Variants in RIMS2 observed in about 807,000 individuals in gnomAD.
RIMS2 encodes the protein regulating synaptic membrane exocytosis protein 2.
A neutral mutation model predicts 174.4 loss-of-function variants in RIMS2; 59 were observed. The ratio of observed to expected loss-of-function variants is 0.34; its 90% CI spans 0.27 to 0.42. The LOEUF is 0.42. Ranked by LOEUF, RIMS2 falls within the 10% of genes least tolerant of loss-of-function variation. The pLI, the probability that RIMS2 is intolerant of heterozygous loss-of-function variation, is 1.00. For synonymous variants in RIMS2, 606 were observed against 572.5 expected (o/e 1.06, Z -0.84); for missense variants, 1,620 against 1,666.3 (o/e 0.97, Z 0.48).
chr8:103,826,301 C>T (rs886905273), intron 3 of RIMS2, among the ~76,000 whole-genome samples: 1 of 151,456 alleles, frequency 6.6e-6, no homozygotes, highest in African/African-American at 2.4e-5. Flanking sequence ...TCCTTGTTAA[C>T]CCCTAAGTCA....
intron 16 of RIMS2, among the ~76,000 whole-genome samples, chr8:103,979,030 T>C (rs2093677943): frequency 6.6e-6 from 1 of 152,208 alleles, no homozygotes; most frequent in African/African-American, 2.4e-5. Flanking sequence ...TGTCTCTGAA[T>C]ATTATTCAAT....
chr8:103,964,703 A>G (rs1022603807), intron 15 of RIMS2, among the ~76,000 whole-genome samples: 2 of 152,070 alleles, frequency 1.3e-5, no homozygotes, highest in African/African-American at 4.8e-5. Flanking sequence ...TCTTTCATCA[A>G]TCATGCCTAT....
At chr8:103,679,301 G>C (rs1249291330) in intron 1 of RIMS2, among the ~76,000 whole-genome samples, 3 of 151,886 alleles carry the variant, frequency 2.0e-5, no homozygotes, top group Non-Finnish European at 2.9e-5. Context: ...AGAACTGCTT[G>C]GAGAGAACAT....
chr8:103,741,218 T>A (rs1185330834), intron 2 of RIMS2, among the ~76,000 whole-genome samples: 1 of 152,070 alleles, frequency 6.6e-6, no homozygotes, highest in Non-Finnish European at 1.5e-5. Context: ...AAATTGTTCA[T>A]AAATCCATGG....
intron 1 of RIMS2, among the ~76,000 whole-genome samples, chr8:103,599,083 G>A (rs1227036506): frequency 6.6e-6 from 1 of 152,014 alleles, no homozygotes; most frequent in Non-Finnish European, 1.5e-5. Flanking sequence ...TTGTCTGAAA[G>A]CCATATTAAA....
intron 19 of RIMS2, among the ~76,000 whole-genome samples, chr8:104,232,308 T>C (rs1294796148): frequency 1.3e-5 from 2 of 152,244 alleles, no homozygotes; most frequent in African/African-American, 4.8e-5. Flanking sequence ...AGTACTTGAA[T>C]GTTATGCATT....
At chr8:103,983,945 G>A (rs1280158548) in intron 16 of RIMS2, among the ~76,000 whole-genome samples, 6 of 152,044 alleles carry the variant, frequency 3.9e-5, no homozygotes, top group African/African-American at 7.2e-5. Context: ...AGGCCAAGGC[G>A]GGCGGATCAC....
chr8:104,224,477 T>C (rs1161488843), intron 19 of RIMS2, among the ~76,000 whole-genome samples: 3 of 152,218 alleles, frequency 2.0e-5, no homozygotes, highest in Admixed American at 2.0e-4. Flanking sequence ...ATTTAACAAC[T>C]AACACTGAAA....
chr8:104,047,348 T>C (rs1259031648), intron 19 of RIMS2, among the ~76,000 whole-genome samples: 1 of 152,122 alleles, frequency 6.6e-6, no homozygotes, highest in African/African-American at 2.4e-5. Context: ...CTCTGTGTCC[T>C]AAAAATTTCA....
At chr8:103,837,519 C>T (rs2098906450) in intron 3 of RIMS2, among the ~76,000 whole-genome samples, 1 of 152,142 alleles carries the variant, frequency 6.6e-6, no homozygotes, top group South Asian at 2.1e-4. Flanking sequence ...GCTATCCCTC[C>T]CCCCTCAACA....
At chr8:103,607,504 T>C (rs973415124) in intron 1 of RIMS2, among the ~76,000 whole-genome samples, 14 of 151,286 alleles carry the variant, frequency 9.3e-5, no homozygotes, top group African/African-American at 2.9e-4. Context: ...TTGAGGAGTA[T>C]CTTTGTGTCG....
chr8:103,983,926 C>A (rs955271607), intron 16 of RIMS2, among the ~76,000 whole-genome samples: 2 of 152,140 alleles, frequency 1.3e-5, no homozygotes, highest in Admixed American at 1.3e-4. Context: ...GTAATCCCAG[C>A]ACTTTGGGAG....
chr8:103,885,443 C>A, exon 4 of RIMS2: 5 of 1,612,340 alleles, frequency 3.1e-6, no homozygotes, highest in Non-Finnish European at 4.2e-6. Context: ...TCAACATGAA[C>A]CTCAGTTTTA....
intron 19 of RIMS2, among the ~76,000 whole-genome samples, chr8:104,215,376 A>G (rs1188704941): frequency 6.6e-6 from 1 of 152,254 alleles, no homozygotes; most frequent in East Asian, 1.9e-4. Flanking sequence ...TTTTCCATTC[A>G]TACCTAATAT....
intron 19 of RIMS2, among the ~76,000 whole-genome samples, chr8:104,210,616 G>A (rs2099101115): frequency 6.6e-6 from 1 of 152,110 alleles, no homozygotes; most frequent in African/African-American, 2.4e-5. Flanking sequence ...CCTTTTGGGA[G>A]TGCCATAAAT....
intron 1 of RIMS2, among the ~76,000 whole-genome samples, chr8:103,613,506 C>G (rs1325399179): frequency 6.6e-6 from 1 of 152,216 alleles, no homozygotes; most frequent in Non-Finnish European, 1.5e-5. Flanking sequence ...GAGCCTAAGC[C>G]TGGGCTCAGG....
intron 1 of RIMS2, among the ~76,000 whole-genome samples, chr8:103,546,939 A>C (rs761609598): frequency 3.7e-4 from 56 of 152,188 alleles, no homozygotes; most frequent in Non-Finnish European, 6.0e-4. Flanking sequence ...TGTATCCTTT[A>C]TATGATTACA....
At chr8:104,018,622 T>C (rs1176407881) in intron 19 of RIMS2, among the ~76,000 whole-genome samples, 1 of 152,188 alleles carries the variant, frequency 6.6e-6, no homozygotes, top group Non-Finnish European at 1.5e-5. Flanking sequence ...ATTTAATGAG[T>C]ACCTACTAGA....
At chr8:104,064,095 CT>C (rs1252514169) in intron 19 of RIMS2, among the ~76,000 whole-genome samples, 2 of 152,180 alleles carry the variant, frequency 1.3e-5, no homozygotes, top group African/African-American at 4.8e-5. Context: ...TAGAAGTTAA[CT>C]TTTTTTATAT....
Sources: allele counts gnomAD v4.1 joint callset (sites outside exome capture counted in the v4.1 genomes callset), GRCh38; gene constraint gnomAD v4.1.1; transcripts MANE v1.5; gene names NCBI Gene and HGNC (gene_info 2026-07-23, HGNC 2026-07-21).